Variants in ASTN2 observed in about 807,000 individuals in gnomAD.
ASTN2 encodes the protein astrotactin-2.
ASTN2 carries 54 observed loss-of-function variants against 139.8 expected under a neutral mutation model. That is an observed-to-expected ratio of 0.39 (90% CI 0.31 to 0.48). The LOEUF (loss-of-function observed/expected upper bound fraction) is 0.48. Ranked by LOEUF, ASTN2 falls within the 20% of genes least tolerant of loss-of-function variation. The pLI, the probability that ASTN2 is intolerant of heterozygous loss-of-function variation, is 0.95. For missense variants in ASTN2, 1,565 were observed against 1,725.1 expected, an observed-to-expected ratio of 0.91 and a Z score of 1.64; for synonymous variants, 756 against 719.5, an observed-to-expected ratio of 1.05 and a Z score of -0.81.
intron 8 of ASTN2, 47 bp downstream of exon 8, chr9:116,976,652 TAA>T (rs1836348538): frequency 6.5e-7 from 1 of 1,537,332 alleles, no homozygotes; most frequent in African/African-American, 1.4e-5. Context: ...ACAGAGGAGG[TAA>T]AAGTGGGTCC....
intron 2 of ASTN2, among the ~76,000 whole-genome samples, chr9:117,249,271 C>T (rs1006518467): frequency 6.6e-6 from 1 of 152,126 alleles, no homozygotes; most frequent in Non-Finnish European, 1.5e-5. Flanking sequence ...TCTGTTCTCC[C>T]CAGTCTTAAA....
intron 13 of ASTN2, among the ~76,000 whole-genome samples, chr9:116,802,282 T>C (rs969132458): frequency 7.2e-5 from 11 of 152,016 alleles, no homozygotes; most frequent in Non-Finnish European, 1.6e-4. Context: ...GAGACAGCAT[T>C]TCATCATGTT....
chr9:116,960,301 T>C (rs752409661), intron 10 of ASTN2, among the ~76,000 whole-genome samples: 3 of 152,062 alleles, frequency 2.0e-5, no homozygotes, highest in Non-Finnish European at 1.5e-5. Flanking sequence ...ACCTCAGGAG[T>C]ATCCTGTATT....
At chr9:116,740,556 A>C (rs558904470) in intron 13 of ASTN2, among the ~76,000 whole-genome samples, 19 of 152,170 alleles carry the variant, frequency 1.2e-4, no homozygotes, top group Non-Finnish European at 2.4e-4. Context: ...TCTGTCGCCC[A>C]GGCTGGAGTG....
chr9:116,782,977 G>A (rs779985201), intron 13 of ASTN2, among the ~76,000 whole-genome samples: 1 of 152,118 alleles, frequency 6.6e-6, no homozygotes, highest in Non-Finnish European at 1.5e-5. Flanking sequence ...AGTAGGTAGA[G>A]TGACTACATA....
chr9:117,389,434 T>C (rs1289987833), intron 1 of ASTN2, among the ~76,000 whole-genome samples: 1 of 152,148 alleles, frequency 6.6e-6, no homozygotes, highest in East Asian at 1.9e-4. Flanking sequence ...AACTCAGGAC[T>C]CAGGCCACCA....
intron 3 of ASTN2, among the ~76,000 whole-genome samples, chr9:117,172,843 T>C (rs1478703261): frequency 6.6e-6 from 1 of 152,166 alleles, no homozygotes; most frequent in African/African-American, 2.4e-5. Context: ...AAGTTCTGGT[T>C]TCCATGGAGC....
At chr9:116,746,835 G>A (rs960188015) in intron 13 of ASTN2, among the ~76,000 whole-genome samples, 2 of 152,054 alleles carry the variant, frequency 1.3e-5, no homozygotes, top group Non-Finnish European at 2.9e-5. Flanking sequence ...ATGAGCACTC[G>A]AGAGCAAGAA....
chr9:116,803,189 T>G (rs913728985), intron 13 of ASTN2, among the ~76,000 whole-genome samples: 1 of 152,126 alleles, frequency 6.6e-6, no homozygotes, highest in Admixed American at 6.5e-5. Context: ...TCCATGATGT[T>G]GCTCAAGACA....
At chr9:116,811,101 T>C (rs1490666583) in intron 12 of ASTN2, among the ~76,000 whole-genome samples, 1 of 152,176 alleles carries the variant, frequency 6.6e-6, no homozygotes, top group African/African-American at 2.4e-5. Flanking sequence ...ATAGGCTTTT[T>C]GTATTTTGTA....
intron 19 of ASTN2, among the ~76,000 whole-genome samples, chr9:116,572,468 G>A (rs1258941889): frequency 2.0e-5 from 3 of 152,190 alleles, no homozygotes; most frequent in African/African-American, 7.2e-5. Flanking sequence ...GGGTAGGGTC[G>A]CCTATAATTT....
intron 19 of ASTN2, among the ~76,000 whole-genome samples, chr9:116,545,040 T>G (rs748148157): frequency 1.7e-4 from 26 of 152,186 alleles, no homozygotes; most frequent in Non-Finnish European, 3.4e-4. Flanking sequence ...TCCTCAGCCT[T>G]GGGACAGTTC....
intron 17 of ASTN2, among the ~76,000 whole-genome samples, chr9:116,626,690 G>A (rs1033040293): frequency 3.9e-5 from 6 of 152,210 alleles, no homozygotes; most frequent in East Asian, 3.9e-4. Context: ...AGCTTCTAAG[G>A]CCTAGAAAGA....
At chr9:116,534,759 CT>C (rs1361295741) in intron 19 of ASTN2, among the ~76,000 whole-genome samples, 1 of 152,118 alleles carries the variant, frequency 6.6e-6, no homozygotes, top group Non-Finnish European at 1.5e-5. Flanking sequence ...TTTACATTTG[CT>C]GAGGAGTGCT....
At chr9:117,124,855 G>T (rs1390931571) in intron 4 of ASTN2, among the ~76,000 whole-genome samples, 6 of 149,234 alleles carry the variant, frequency 4.0e-5, no homozygotes, top group Non-Finnish European at 7.4e-5. Flanking sequence ...GCCAGGTTCT[G>T]TTACTTTCCA....
chr9:117,076,459 CAG>C (rs2132717875), intron 5 of ASTN2, among the ~76,000 whole-genome samples: 1 of 152,062 alleles, frequency 6.6e-6, no homozygotes, highest in East Asian at 1.9e-4. Flanking sequence ...GTTTGAGGGG[CAG>C]AGAGTTGAGA....
At chr9:116,724,443 G>A (rs1217471812) in intron 16 of ASTN2, among the ~76,000 whole-genome samples, 1 of 152,168 alleles carries the variant, frequency 6.6e-6, no homozygotes, top group Non-Finnish European at 1.5e-5. Context: ...AGGGACAAAA[G>A]GGAAGGGATC....
intron 10 of ASTN2, among the ~76,000 whole-genome samples, chr9:116,889,542 T>G (rs928035880): frequency 5.3e-5 from 8 of 152,052 alleles, no homozygotes; most frequent in African/African-American, 1.2e-4. Flanking sequence ...ATTTTTTTTT[T>G]GTGCATCCTC....
At chr9:117,203,559 T>A (rs895241566) in intron 3 of ASTN2, among the ~76,000 whole-genome samples, 1 of 152,128 alleles carries the variant, frequency 6.6e-6, no homozygotes, top group African/African-American at 2.4e-5. Flanking sequence ...TTGTGGATGA[T>A]GCTGTTGTTG....
Sources: allele counts gnomAD v4.1 joint callset (sites outside exome capture counted in the v4.1 genomes callset), GRCh38; gene constraint gnomAD v4.1.1; transcripts MANE v1.5; gene names NCBI Gene and HGNC (gene_info 2026-07-23, HGNC 2026-07-21).